The following ADAM10 variants were observed in gnomAD, a reference collection of about 807,000 sequenced individuals.
ADAM10 encodes the protein ADAM metallopeptidase domain 10.
Under a neutral mutation model 90.1 loss-of-function variants are expected in ADAM10, and 17 were observed. That is an observed-to-expected ratio of 0.19 (90% CI 0.13 to 0.28). The LOEUF (loss-of-function observed/expected upper bound fraction) is 0.28, where lower values mean the gene tolerates loss of function less well. Ranked by LOEUF, ADAM10 falls within the 10% of genes least tolerant of loss-of-function variation. ADAM10 has a pLI of 1.00. For missense variants in ADAM10, 610 were observed against 914.3 expected (o/e 0.67, Z 4.29); for synonymous variants, 310 against 298.6 (o/e 1.04, Z -0.40).
chr15:58,621,607 T>G lies in ADAM10; in HGVS notation c.1375A>C (p.Ile459Leu). ...NNCFVESGQP[I>L]CGNGMVEQGE... ...TGTTCTACCATTCCATTTCCACAAA[T>G]AGGTTGGCCAGATTCTGAGGAAAAT... The change falls in exon 11 of 16, where the codon ATT becomes CTT. Residue 459 changes from isoleucine to leucine, a missense_variant. Transcript: ENST00000260408. 6.2e-7 allele frequency: 1 copy of G among 1,614,020 alleles called. No homozygotes were observed. Among genetic ancestry groups the G allele is most frequent in the Non-Finnish European group, 8.5e-7 (1 of 1,180,026 alleles).
chr15:58,692,038 C>T (rs576197918), intron 2 of ADAM10: 3 of 466,140 alleles, frequency 6.4e-6, no homozygotes, highest in Admixed American at 2.3e-5. Flanking sequence ...GAGCATTTCC[C>T]GGGAGATGTT....
chr15:58,736,932 C>A (rs1293614404), intron 1 of ADAM10, among the ~76,000 whole-genome samples: 1 of 151,864 alleles, frequency 6.6e-6, no homozygotes, highest in Non-Finnish European at 1.5e-5. Context: ...CTGGGCAACA[C>A]AGTAACACCC....
intron 4 of ADAM10, among the ~76,000 whole-genome samples, chr15:58,671,666 G>T (rs1897196589): frequency 6.6e-6 from 1 of 152,182 alleles, no homozygotes; most frequent in Non-Finnish European, 1.5e-5. Flanking sequence ...TTGAGCTCAA[G>T]AGCTCGAGAC....
intron 2 of ADAM10, among the ~76,000 whole-genome samples, chr15:58,696,748 A>G (rs1318831078): frequency 2.0e-5 from 3 of 152,144 alleles, no homozygotes; most frequent in African/African-American, 4.8e-5. Context: ...TACATGTGTG[A>G]GCCACCGCAC....
In ADAM10 at chr15:58,594,855, T is replaced by C. The variant is rs1273976602; in HGVS notation, c.*2692A>G. 2.0e-5 allele frequency: 3 copies of C among 152,300 alleles called. No homozygotes were observed. The allele number at this position is 152,300 out of a possible 1,614,324, so 9.4% of individuals were successfully genotyped here. A position where few individuals can be genotyped will look rare whatever the true frequency, so the allele number is the denominator to read the frequency against. ...AATTAACAAAGTAATTCACAAAGTA[T>C]TACATATTTACTCATTTAACAAGTA... On this transcript the variant is annotated 3_prime_UTR_variant, in exon 16 of 16. Transcript: ENST00000260408.
intron 5 of ADAM10, among the ~76,000 whole-genome samples, chr15:58,661,688 T>A (rs1896970736): frequency 6.6e-6 from 1 of 152,124 alleles, no homozygotes; most frequent in Admixed American, 6.5e-5. Flanking sequence ...GAATTGAAAT[T>A]TTTCCTAGTA....
intron 1 of ADAM10, among the ~76,000 whole-genome samples, chr15:58,720,903 T>G (rs1316528251): frequency 4.6e-5 from 7 of 152,248 alleles, no homozygotes; most frequent in Admixed American, 1.3e-4. Context: ...TGGATTTAAG[T>G]GGTCTGAGTT....
chr15:58,728,596 G>C (rs542918929), intron 1 of ADAM10, among the ~76,000 whole-genome samples: 3 of 150,716 alleles, frequency 2.0e-5, no homozygotes, highest in Non-Finnish European at 3.0e-5. Flanking sequence ...AAAAAGAAAA[G>C]AAAAAAGAAA....
chr15:58,703,594 A>C (rs996022304), intron 2 of ADAM10, among the ~76,000 whole-genome samples: 2 of 152,236 alleles, frequency 1.3e-5, no homozygotes, highest in African/African-American at 4.8e-5. Context: ...TAAGTCAGAC[A>C]TAAGTCAGTG....
In ADAM10 at chr15:58,665,169, C is replaced by A; in HGVS notation, c.513G>T (p.Gly171=). The change falls in exon 5 of 16, where the codon GGG becomes GGT. Residue 171 remains glycine (G), a synonymous_variant. Transcript: ENST00000260408. The part of the protein sequence containing the change: ...INYPHKYGPQ[G]GCADHSVFER... ...CAAATACTGAATGATCTGCACAGCC[C>A]CCCTGAGGACCGTATTTATGGGGAT... 6.2e-7 allele frequency: 1 copy of A among 1,612,984 alleles called. No homozygotes were observed. Among genetic ancestry groups the A allele is most frequent in the Non-Finnish European group, 8.5e-7 (1 of 1,179,132 alleles).
At chr15:58,635,274 C>CAAAAAAAAA (rs58106236) in intron 8 of ADAM10, among the ~76,000 whole-genome samples, 5 of 65,870 alleles carry the variant, frequency 7.6e-5, no homozygotes, top group African/African-American at 2.3e-4. Context: ...GACTCTGTCT[C>CAAAAAAAAA]AAAAAAAAAA....
chr15:58,689,954 A>ATCC, intron 2 of ADAM10, among the ~76,000 whole-genome samples: 2 of 117,676 alleles, frequency 1.7e-5, no homozygotes, highest in South Asian at 6.7e-4. Flanking sequence ...ACCCCCCCCA[A>ATCC]AAAAAAAAAA....
In ADAM10 at chr15:58,593,150, T is replaced by TA. The variant is rs1894863951; in HGVS notation, c.*4396_*4397insT. ...AAGTAACAAAGGCCAGGTACTCAAA[T>TA]TTTTTTTTTTTTTTTTTTTTTTTTT... On this transcript the variant is annotated 3_prime_UTR_variant, in exon 16 of 16. Coordinates refer to ENST00000260408, the MANE Select transcript of ADAM10 (RefSeq NM_001110.4). The TA allele has an allele frequency of 0.018, 52 of 2,868 alleles. 6 individuals are homozygous for TA. The highest frequency in any genetic ancestry group is 0.1 in the East Asian group (3 of 30). 0.2% of individuals were successfully genotyped at this position (2,868 alleles called of 1,614,324 possible). A position where few individuals can be genotyped will look rare whatever the true frequency, so the allele number is the denominator to read the frequency against.
In ADAM10 at chr15:58,596,494, T is replaced by C. The variant is rs1413021311; in HGVS notation, c.*1053A>G. Reference sequence around the variant, plus strand: ...AGTGGTTACCAATGATCAGTGATGATATGCTGAAAAAACCGTTTAAATATT... The same window carrying C: ...AGTGGTTACCAATGATCAGTGATGACATGCTGAAAAAACCGTTTAAATATT... On this transcript the variant is annotated 3_prime_UTR_variant, in exon 16 of 16. Coordinates refer to ENST00000260408, the MANE Select transcript of ADAM10 (RefSeq NM_001110.4). 6.6e-6 allele frequency: 1 copy of C among 152,644 alleles called. No individual in the cohort carries two copies. Among genetic ancestry groups the C allele is most frequent in the African/African-American group, 2.4e-5 (1 of 41,466 alleles). 9.5% of individuals were successfully genotyped at this position (152,644 alleles called of 1,614,324 possible). A position where few individuals can be genotyped will look rare whatever the true frequency, so the allele number is the denominator to read the frequency against.
intron 2 of ADAM10, among the ~76,000 whole-genome samples, chr15:58,715,533 T>C (rs1567009391): frequency 6.6e-6 from 1 of 152,142 alleles, no homozygotes; most frequent in Non-Finnish European, 1.5e-5. Context: ...CCTTTGAATA[T>C]CTATAGCATT....
At chr15:58,627,649 G>A in intron 10 of ADAM10, 51 bp downstream of exon 10, 1 of 1,525,088 alleles carries the variant, frequency 6.6e-7, no homozygotes, top group South Asian at 1.1e-5. Context: ...CTTTCAAGTT[G>A]TCTGAATGTT....
intron 10 of ADAM10, among the ~76,000 whole-genome samples, chr15:58,624,979 A>T (rs1293652668): frequency 2.0e-5 from 3 of 152,236 alleles, no homozygotes; most frequent in African/African-American, 7.2e-5. Flanking sequence ...GTGAAAACCC[A>T]GTTTACAAAT....
intron 2 of ADAM10, among the ~76,000 whole-genome samples, chr15:58,716,803 CAA>C (rs1411894676): frequency 6.6e-6 from 1 of 151,932 alleles, no homozygotes; most frequent in Non-Finnish European, 1.5e-5. Flanking sequence ...TACATCAGTA[CAA>C]AAAGTACAAA....
intron 1 of ADAM10, among the ~76,000 whole-genome samples, chr15:58,734,042 C>T (rs1899348822): frequency 6.6e-6 from 1 of 151,950 alleles, no homozygotes; most frequent in African/African-American, 2.4e-5. Flanking sequence ...TTTCACATTT[C>T]ACATATTTAA....
Sources: allele counts gnomAD v4.1 joint callset (sites outside exome capture counted in the v4.1 genomes callset), GRCh38; gene constraint gnomAD v4.1.1; transcripts MANE v1.5; gene names NCBI Gene and HGNC (gene_info 2026-07-23, HGNC 2026-07-21).